PLG: variants seen among roughly 807,000 people sequenced by gnomAD.
The protein encoded by PLG is plasmin.
In PLG, 41 loss-of-function variants were observed where a neutral mutation model predicts 104.4. That is an observed-to-expected ratio of 0.39 (90% CI 0.31 to 0.51). PLG has a LOEUF of 0.51. Ranked by LOEUF, PLG falls within the 20% of genes least tolerant of loss-of-function variation. The probability of loss-of-function intolerance (pLI) is 0.76; values close to 1 mark genes in which losing one functional copy is unlikely to be tolerated. For synonymous variants in PLG, 337 were observed against 357.1 expected (o/e 0.94, Z 0.63); for missense variants, 891 against 1,003.6 (o/e 0.89, Z 1.52).
chr6:160,748,447 G>GAAAGAAAGAGAACGAAAGAAA (rs1491160827), intron 17 of PLG, among the ~76,000 whole-genome samples: 4,111 of 35,120 alleles, frequency 0.12, 1,477 homozygotes, highest in East Asian at 0.73. Flanking sequence ...AAAGAAGGGA[G>GAAAGAAAGAGAACGAAAGAAA]GGAGGGAGGG....
intron 10 of PLG, among the ~76,000 whole-genome samples, chr6:160,729,938 C>T (rs537867410): frequency 6.6e-6 from 1 of 152,348 alleles, no homozygotes; most frequent in South Asian, 2.1e-4. Flanking sequence ...AGCCTTTTAA[C>T]ACATCCAGTT....
rs142265232 is a variant in PLG at position 160,725,739 on chromosome 6, A to G, written c.1256+3172A>G. 2.7e-3 allele frequency among the ~76,000 whole-genome samples: 416 copies of G among 152,314 alleles called. 3 individuals are homozygous for G. The highest frequency in any genetic ancestry group is 0.01 in the Middle Eastern group (3 of 294). On this transcript the variant is annotated intron_variant, in intron 10 of 18. Coordinates refer to ENST00000308192, the MANE Select transcript of PLG (RefSeq NM_000301.5). This position sits in a 1 kb window ranked among gnomAD's most constrained non-coding sequence, Gnocchi z 6.3. ...CTATACATGCTCTTTAATTGTAAAG[A>G]GCTAGTCCAAAAACCAAGTGTGGAA...
At chr6:160,722,259 A>C (rs1777842725) in intron 9 of PLG, 149 bp from the exon 10 acceptor site, 3 of 614,302 alleles carry the variant, frequency 4.9e-6, no homozygotes, top group Non-Finnish European at 8.8e-6. Flanking sequence ...AAATGCTATA[A>C]ATCTATTTTT....
In PLG at chr6:160,736,824, G is replaced by A. The variant is rs567443492; in HGVS notation, c.1682-63G>A. 26 of 1,606,032 alleles carry A rather than the reference G, an allele frequency of 1.6e-5. No individual in the cohort carries two copies. Among genetic ancestry groups the A allele is most frequent in the South Asian group, 9.9e-5 (9 of 90,642 alleles). On this transcript the variant is annotated intron_variant, in intron 13 of 18. Coordinates refer to ENST00000308192, the MANE Select transcript of PLG (RefSeq NM_000301.5). The surrounding 1 kb of genome is among the most constrained non-coding windows in gnomAD (Gnocchi z 5.2). The stretch of plus-strand genomic sequence containing the variant: ...AAACTCAGTGCTTGGAATTTGTCTC[G>A]AATTACACCACAAAATTGCTACCTT...
At chr6:160,706,596 A>G (rs547042354) in intron 2 of PLG, 54 bp downstream of exon 2, 359 of 1,523,748 alleles carry the variant, frequency 2.4e-4, no homozygotes, top group Non-Finnish European at 3.0e-4. Context: ...GATGGCAAGT[A>G]ATTTACTCAC....
At chr6:160,745,585 G>A (rs556760879) in intron 17 of PLG, among the ~76,000 whole-genome samples, 1 of 152,230 alleles carries the variant, frequency 6.6e-6, no homozygotes, top group South Asian at 2.1e-4. Context: ...ATACCAGTGG[G>A]TCTTGCTTTT....
At position 160,731,263 on chromosome 6, in the gene PLG, C is replaced by T; in HGVS notation, c.1438+31C>T. On this transcript the variant is annotated intron_variant, in intron 11 of 18. Transcript: ENST00000308192. The surrounding 1 kb of genome is among the most constrained non-coding windows in gnomAD (Gnocchi z 5.1). ...AAATCTGTGGCTGGACATCTACACA[C>T]TTGGACGCTGGGATGAAAAGCCATG... The T allele has an allele frequency of 2.6e-6, 4 of 1,555,320 alleles. No individual in the cohort carries two copies. Among genetic ancestry groups the T allele is most frequent in the East Asian group, 2.2e-5 (1 of 44,678 alleles).
rs761689224 is a variant in PLG, at chr6:160,714,818, A to G, written c.572A>G (p.Glu191Gly). 1.3e-5 allele frequency: 21 copies of G among 1,613,704 alleles called. No individual in the cohort carries two copies. The Admixed American group carries it at 1.7e-4, about 13-fold the overall frequency. Residue 191 changes from glutamate to glycine, a missense_variant, in exon 6 of 19, where the codon GAA becomes GGA. Coordinates refer to ENST00000308192, the MANE Select transcript of PLG (RefSeq NM_000301.5). ...GAGGAATGTATGCATTGCAGTGGAG[A>G]AAACTATGACGGCAAAATTTCCAAG... The part of the protein sequence containing the change: ...CEEECMHCSG[E>G]NYDGKISKTM...
At chr6:160,706,680 G>T in intron 2 of PLG, 138 bp downstream of exon 2, 5 of 840,250 alleles carry the variant, frequency 6.0e-6, no homozygotes, top group Non-Finnish European at 9.7e-6. Flanking sequence ...CTCACAGTAT[G>T]TGAAGCCATA....
chr6:160,703,886 G>A (rs1240630707), intron 1 of PLG, among the ~76,000 whole-genome samples: 1 of 152,220 alleles, frequency 6.6e-6, no homozygotes. Context: ...TGGAAAGCCA[G>A]GTTTTCTGTG....
intron 1 of PLG, among the ~76,000 whole-genome samples, chr6:160,703,325 C>T (rs1475609871): frequency 2.6e-5 from 4 of 151,504 alleles, no homozygotes; most frequent in African/African-American, 7.3e-5. Flanking sequence ...CCCATTTAGG[C>T]ATACAATCCA....
At chr6:160,717,973 TG>T (rs1272818992) in intron 7 of PLG, among the ~76,000 whole-genome samples, 1 of 152,166 alleles carries the variant, frequency 6.6e-6, no homozygotes, top group Non-Finnish European at 1.5e-5. Flanking sequence ...ATTGTAGGGC[TG>T]GGCACGGTGG....
In PLG at chr6:160,736,436, C is replaced by A. The variant is rs2115177759; in HGVS notation, c.1682-451C>A. Among the ~76,000 whole-genome samples, 1 of 152,148 alleles carries A rather than the reference C, an allele frequency of 6.6e-6. No individual in the cohort carries two copies. Among genetic ancestry groups the A allele is most frequent in the Admixed American group, 6.5e-5 (1 of 15,268 alleles). The stretch of plus-strand genomic sequence containing the variant: ...ACAGAGACTCACATGGAAAAATAAA[C>A]CTTTGTGCCTTTCAGCAGTGATGAC... On this transcript the variant is annotated intron_variant, in intron 13 of 18. Transcript: ENST00000308192. The surrounding 1 kb of genome is among the most constrained non-coding windows in gnomAD (Gnocchi z 5.2).
In PLG at chr6:160,753,464, T is replaced by A. The variant is rs1354894311; in HGVS notation, c.*403T>A. The stretch of plus-strand genomic sequence containing the variant: ...CCAAGAAGTTGTCCACGCATTTACC[T>A]CATCAGCTAACGAGGGCTTGACATG... On this transcript the variant is annotated 3_prime_UTR_variant, in exon 19 of 19. Transcript: ENST00000308192. The surrounding 1 kb of genome is among the most constrained non-coding windows in gnomAD (Gnocchi z 5.4). 3.0e-6 allele frequency: 1 copy of A among 333,364 alleles called. No homozygotes were observed. Among genetic ancestry groups the A allele is most frequent in the Non-Finnish European group, 5.8e-6 (1 of 173,526 alleles). 20.7% of individuals were successfully genotyped at this position (333,364 alleles called of 1,614,324 possible).
intron 3 of PLG, chr6:160,708,016 T>C: frequency 3.8e-6 from 2 of 520,764 alleles, no homozygotes; most frequent in Non-Finnish European, 7.1e-6. Context: ...TTTTTTTTGT[T>C]CAAAAGATGA....
chr6:160,711,773 G>A lies in PLG; in HGVS notation c.407+582G>A, dbSNP rs1287627670. ...CTGAGAAAAGATCAAAGATGACTAT[G>A]TTTGGGACTGAAGTAAGCATATCAG... On this transcript the variant is annotated intron_variant, in intron 4 of 18. Coordinates refer to ENST00000308192, the MANE Select transcript of PLG (RefSeq NM_000301.5). 10 of 1,590,232 alleles carry A rather than the reference G, an allele frequency of 6.3e-6. No homozygotes were observed. The African/African-American group carries it at 8.2e-5, about 13-fold the overall frequency.
chr6:160,714,334 C>T (rs562061761), intron 5 of PLG, among the ~76,000 whole-genome samples: 30 of 152,196 alleles, frequency 2.0e-4, no homozygotes, highest in African/African-American at 3.1e-4. Context: ...AACCCTGAGA[C>T]GGTGCCAGGT....
rs914866246 is a variant in PLG, at chr6:160,726,146, A to C, written c.1256+3579A>C. Among the ~76,000 whole-genome samples, 1 of 152,176 alleles carries C rather than the reference A, an allele frequency of 6.6e-6. No individual in the cohort carries two copies. Among genetic ancestry groups the C allele is most frequent in the Admixed American group, 6.5e-5 (1 of 15,284 alleles). On this transcript the variant is annotated intron_variant, in intron 10 of 18. Transcript: ENST00000308192. The surrounding 1 kb of genome is among the most constrained non-coding windows in gnomAD (Gnocchi z 4.4). ...AACACTATGCCAAACTGCAGAATACACATTCAAGTATGCATGGAGCATTCC... is the reference window on the plus strand; with the variant it reads ...AACACTATGCCAAACTGCAGAATACCCATTCAAGTATGCATGGAGCATTCC...
rs1001488081 is a variant in PLG, at chr6:160,738,870, T to C, written c.1878-198T>C. Among the ~76,000 whole-genome samples the C allele has an allele frequency of 2.0e-5, 3 of 152,130 alleles. No individual in the cohort carries two copies. The highest frequency in any genetic ancestry group is 7.2e-5 in the African/African-American group (3 of 41,426). ...GAGCTGTTCACTACCATAGGCTGTA[T>C]CAGTCTCTGCCCAAACAGCCCAAGA... On this transcript the variant is annotated intron_variant, in intron 15 of 18. Coordinates refer to ENST00000308192, the MANE Select transcript of PLG (RefSeq NM_000301.5). This position sits in a 1 kb window ranked among gnomAD's most constrained non-coding sequence, Gnocchi z 6.8.
Sources: allele counts gnomAD v4.1 joint callset (sites outside exome capture counted in the v4.1 genomes callset), GRCh38; gene constraint gnomAD v4.1.1; non-coding constraint Gnocchi (gnomAD v3.1); transcripts MANE v1.5; gene names NCBI Gene and HGNC (gene_info 2026-07-23, HGNC 2026-07-21).